The following VENTX variants were observed in gnomAD, a reference collection of about 807,000 sequenced individuals.
VENTX encodes the protein homeobox protein VENTX.
A neutral mutation model predicts 10.5 loss-of-function variants in VENTX; 13 were observed. The observed-to-expected ratio is 1.23, with a 90% CI of 0.80 to 1.96. The LOEUF (loss-of-function observed/expected upper bound fraction) is 1.96. Among genes scored for constraint, VENTX ranks in the 30% most tolerant of loss-of-function variants. The probability of loss-of-function intolerance (pLI) is 0.00; values close to 1 mark genes in which losing one functional copy is unlikely to be tolerated. For missense variants in VENTX, 400 were observed against 341.8 expected (o/e 1.17, Z -1.34); for synonymous variants, 177 against 150.4 (o/e 1.18, Z -1.29).
chr10:133,240,538 A>ATATATATT lies in VENTX; in HGVS notation c.*233_*234insATATATTT, dbSNP rs1427845677. On this transcript the variant is annotated 3_prime_UTR_variant, in exon 3 of 3. Coordinates refer to ENST00000325980, the MANE Select transcript of VENTX (RefSeq NM_014468.4). The stretch of plus-strand genomic sequence containing the variant: ...CATATGTGTGTGTATATATATATAT[A>ATATATATT]TTTTTTTTTTTTTTTTTTTTTTTGA... The ATATATATT allele has an allele frequency of 4.0e-5, 5 of 124,448 alleles. No individual in the cohort carries two copies. The highest frequency in any genetic ancestry group is 1.6e-4 in the African/African-American group (5 of 31,308). 7.7% of individuals were successfully genotyped at this position (124,448 alleles called of 1,614,324 possible).
rs1328144633 is a variant in VENTX, at chr10:133,240,485, C to T, written c.*179C>T. ...ATATGTACGTATATATGTAAATACA[C>T]ATATACGTATATATAAATATATATA... On this transcript the variant is annotated 3_prime_UTR_variant, in exon 3 of 3. Transcript: ENST00000325980. 3.9e-5 allele frequency: 11 copies of T among 281,470 alleles called. No individual in the cohort carries two copies. Among genetic ancestry groups the T allele is most frequent in the Non-Finnish European group, 6.1e-5 (10 of 164,136 alleles). The allele number at this position is 281,470 out of a possible 1,614,324, so 17.4% of individuals were successfully genotyped here.
Position 133,237,925 on chromosome 10 carries a change from C to G in VENTX, c.11C>G (p.Ser4Cys). The part of the protein sequence containing the change: MRL[S>C]SSPPRGPQQL... ...GCCCACCTGGCCGCCATGCGCCTCTCCTCCTCCCCACCTCGTGGCCCGCAG... is the reference window on the plus strand; with the variant it reads ...GCCCACCTGGCCGCCATGCGCCTCTGCTCCTCCCCACCTCGTGGCCCGCAG... The change falls in exon 1 of 3, where the codon TCC (serine) becomes TGC (cysteine). Residue 4 changes from serine to cysteine, a missense_variant. Coordinates refer to ENST00000325980, the MANE Select transcript of VENTX (RefSeq NM_014468.4). 6.3e-7 allele frequency: 1 copy of G among 1,591,678 alleles called. No homozygotes were observed. Among genetic ancestry groups the G allele is most frequent in the Non-Finnish European group, 8.5e-7 (1 of 1,175,782 alleles).
rs142105196 is a variant in VENTX, at chr10:133,240,524, G to GTGTATATATATATATATATATATATA, written c.*219_*220insGTATATATATATATATATATATATAT. 1 of 68,780 alleles carries GTGTATATATATATATATATATATATA rather than the reference G, an allele frequency of 1.5e-5. No homozygotes were observed. Among genetic ancestry groups the GTGTATATATATATATATATATATATA allele is most frequent in the African/African-American group, 7.3e-5 (1 of 13,780 alleles). 4.3% of individuals were successfully genotyped at this position (68,780 alleles called of 1,614,324 possible). Reference sequence around the variant, plus strand: ...TAAATATATATATACATATGTGTGTGTATATATATATATATTTTTTTTTTT... The same window carrying GTGTATATATATATATATATATATATA: ...TAAATATATATATACATATGTGTGTGTGTATATATATATATATATATATATATATATATATATATATTTTTTTTTTT... On this transcript the variant is annotated 3_prime_UTR_variant, in exon 3 of 3. Transcript: ENST00000325980.
At position 133,240,345 on chromosome 10, in the gene VENTX, TC is replaced by T; in HGVS notation, c.*40del. 1.3e-6 allele frequency: 2 copies of T among 1,534,536 alleles called. No individual in the cohort carries two copies. The highest frequency in any genetic ancestry group is 1.8e-6 in the Non-Finnish European group (2 of 1,139,826). Reference sequence around the variant, plus strand: ...ACTCCCACACTCGCGGTCTTGCTGATCGCACCTGGCTCCTACCTGGAGGACT... The same window carrying T: ...ACTCCCACACTCGCGGTCTTGCTGATGCACCTGGCTCCTACCTGGAGGACT... On this transcript the variant is annotated 3_prime_UTR_variant, in exon 3 of 3. Transcript: ENST00000325980.
chr10:133,240,464 G>T lies in VENTX; in HGVS notation c.*158G>T. The T allele has an allele frequency of 2.0e-6, 1 of 510,230 alleles. No individual in the cohort carries two copies. Among genetic ancestry groups the T allele is most frequent in the Non-Finnish European group, 3.0e-6 (1 of 336,094 alleles). 31.6% of individuals were successfully genotyped at this position (510,230 alleles called of 1,614,324 possible). A position where few individuals can be genotyped will look rare whatever the true frequency, so the allele number is the denominator to read the frequency against. ...GGAGAATATATATAAATATATATAT[G>T]TACGTATATATGTAAATACACATAT... is the stretch of plus-strand genomic sequence containing the variant. On this transcript the variant is annotated 3_prime_UTR_variant, in exon 3 of 3. Coordinates refer to ENST00000325980, the MANE Select transcript of VENTX (RefSeq NM_014468.4).
At chr10:133,239,872 T>C (rs201350884) in intron 2 of VENTX, 36 bp downstream of exon 2, 9 of 419,484 alleles carry the variant, frequency 2.1e-5, no homozygotes, top group South Asian at 1.3e-4. Context: ...TGGGCAGGGG[T>C]GGGCAAGGGT....
chr10:133,240,422 A>G lies in VENTX; in HGVS notation c.*116A>G. 8.2e-7 allele frequency: 1 copy of G among 1,220,394 alleles called. No homozygotes were observed. Among genetic ancestry groups the G allele is most frequent in the Non-Finnish European group, 1.1e-6 (1 of 924,668 alleles). The allele number at this position is 1,220,394 out of a possible 1,614,324, so 75.6% of individuals were successfully genotyped here. Reference sequence around the variant, plus strand: ...GCACCTCTCACCCTGACCCACACAAAGGTTCTGGAGATTACTGGAGAATAT... The same window carrying G: ...GCACCTCTCACCCTGACCCACACAAGGGTTCTGGAGATTACTGGAGAATAT... On this transcript the variant is annotated 3_prime_UTR_variant, in exon 3 of 3. Coordinates refer to ENST00000325980, the MANE Select transcript of VENTX (RefSeq NM_014468.4).
intron 1 of VENTX, among the ~76,000 whole-genome samples, chr10:133,239,026 C>A (rs982633942): frequency 1.3e-5 from 2 of 152,350 alleles, no homozygotes; most frequent in Admixed American, 6.5e-5. Context: ...CTACCATGTG[C>A]TTTCAGGCTA....
chr10:133,241,640 CA>C lies in VENTX; in HGVS notation c.*1335del. Reference sequence around the variant, plus strand: ...TGTGAAACCCACCCGGGCACCCCAACAGGAACAGAAGCGTGGTCCTGCGGCT... The same window carrying C: ...TGTGAAACCCACCCGGGCACCCCAACGGAACAGAAGCGTGGTCCTGCGGCT... On this transcript the variant is annotated 3_prime_UTR_variant, in exon 3 of 3. Transcript: ENST00000325980. The C allele has an allele frequency of 6.6e-6, 1 of 152,402 alleles. No homozygotes were observed. Among genetic ancestry groups the C allele is most frequent in the South Asian group, 2.1e-4 (1 of 4,832 alleles). 9.4% of individuals were successfully genotyped at this position (152,402 alleles called of 1,614,324 possible).
chr10:133,239,712 G>C lies in VENTX; in HGVS notation c.278G>C (p.Arg93Pro). 1.2e-6 allele frequency: 2 copies of C among 1,611,140 alleles called. No individual in the cohort carries two copies. The highest frequency in any genetic ancestry group is 8.5e-7 in the Non-Finnish European group (1 of 1,180,010). ...SKEPNTLRAP[R>P]VRTAFTMEQV... ...GAGCCAAATACCTTGCGGGCCCCCC[G>C]TGTCCGCACAGCCTTCACCATGGAG... Residue 93 changes from arginine to proline, a missense_variant, in exon 2 of 3, where the codon CGT becomes CCT. By Grantham distance (103) the Arg-to-Pro change is moderately radical (BLOSUM62 -2). Coordinates refer to ENST00000325980, the MANE Select transcript of VENTX (RefSeq NM_014468.4).
chr10:133,238,427 T>C (rs1845883484), intron 1 of VENTX, among the ~76,000 whole-genome samples: 1 of 151,966 alleles, frequency 6.6e-6, no homozygotes, highest in African/African-American at 2.4e-5. Flanking sequence ...TGTGTCTTCG[T>C]CCCCCACCCC....
At chr10:133,238,558 C>T (rs1395359395) in intron 1 of VENTX, among the ~76,000 whole-genome samples, 2 of 151,988 alleles carry the variant, frequency 1.3e-5, no homozygotes, top group African/African-American at 4.8e-5. Flanking sequence ...CCAGCACAGC[C>T]GGTGCCTGCT....
At chr10:133,238,178 C>T in intron 1 of VENTX, 23 bp downstream of exon 1, 1 of 1,564,974 alleles carries the variant, frequency 6.4e-7, no homozygotes, top group Non-Finnish European at 8.7e-7. Context: ...GGGGGGGGTC[C>T]CTTCCTTCCC....
At chr10:133,238,248 C>T (rs561036499) in intron 1 of VENTX, 93 bp downstream of exon 1, 3 of 1,433,658 alleles carry the variant, frequency 2.1e-6, no homozygotes. Flanking sequence ...CCCGCGGTGC[C>T]CTGCCCACTA....
In VENTX at chr10:133,241,215, C is replaced by G. The variant is rs762364270; in HGVS notation, c.*909C>G. 1.3e-5 allele frequency: 2 copies of G among 153,010 alleles called. No homozygotes were observed. Among genetic ancestry groups the G allele is most frequent in the African/African-American group, 4.8e-5 (2 of 41,480 alleles). 9.5% of individuals were successfully genotyped at this position (153,010 alleles called of 1,614,324 possible). Reference sequence around the variant, plus strand: ...AGTGCGCTCTAGGCTGTGCGTGAGCCGGGACTGTACCCACAGCTTGCTGAG... The same window carrying G: ...AGTGCGCTCTAGGCTGTGCGTGAGCGGGGACTGTACCCACAGCTTGCTGAG... On this transcript the variant is annotated 3_prime_UTR_variant, in exon 3 of 3. Transcript: ENST00000325980.
chr10:133,238,454 A>T (rs962153715), intron 1 of VENTX, among the ~76,000 whole-genome samples: 18 of 151,744 alleles, frequency 1.2e-4, no homozygotes, highest in African/African-American at 4.4e-4. Flanking sequence ...GTGCCGAGGG[A>T]CCGTCCAAGG....
At chr10:133,238,489 C>G (rs1845884726) in intron 1 of VENTX, among the ~76,000 whole-genome samples, 1 of 152,136 alleles carries the variant, frequency 6.6e-6, no homozygotes. Flanking sequence ...CCTCCCTGCC[C>G]TGATTCCGGG....
chr10:133,238,121 C>G lies in VENTX; in HGVS notation c.207C>G (p.Ser69=), dbSNP rs1038693999. 13 of 1,604,192 alleles carry G rather than the reference C, an allele frequency of 8.1e-6. No homozygotes were observed. In the East Asian group the frequency reaches 2.9e-4, roughly 36 times the overall value. Residue 69 remains serine (S), a synonymous_variant, in exon 1 of 3, where the codon TCC becomes TCG. Coordinates refer to ENST00000325980, the MANE Select transcript of VENTX (RefSeq NM_014468.4). Reference sequence around the variant, plus strand: ...TCAGCATCAAGGAGGCCGCCGGGTCCTCAAATCTGCCTGCGCCGGAGAGGA... The same window carrying G: ...TCAGCATCAAGGAGGCCGCCGGGTCGTCAAATCTGCCTGCGCCGGAGAGGA... ...QAVSIKEAAG[S]SNLPAPERTM... is the part of the protein sequence containing the mutation.
At chr10:133,239,537 G>A (rs1845899195) in intron 1 of VENTX, 139 bp from the exon 2 acceptor site, 1 of 1,012,704 alleles carries the variant, frequency 9.9e-7, no homozygotes, top group South Asian at 1.6e-5. Context: ...GAGGCGGCGG[G>A]GGTGCTGCTG....
Sources: allele counts gnomAD v4.1 joint callset (sites outside exome capture counted in the v4.1 genomes callset), GRCh38; gene constraint gnomAD v4.1.1; transcripts MANE v1.5; gene names NCBI Gene and HGNC (gene_info 2026-07-23, HGNC 2026-07-21).